The following C10orf67 variants were observed in gnomAD, a reference collection of about 807,000 sequenced individuals.
The protein encoded by C10orf67 is chromosome 10 open reading frame 67.
A neutral mutation model predicts 35.6 loss-of-function variants in C10orf67; 60 were observed. That is an observed-to-expected ratio of 1.68 (90% confidence interval 1.37 to 2.09). The LOEUF (loss-of-function observed/expected upper bound fraction) is 2.09. Ranked by LOEUF, C10orf67 falls within the 30% of genes most tolerant of loss-of-function variation. The probability of loss-of-function intolerance (pLI) is 0.00; values close to 1 mark genes in which losing one functional copy is unlikely to be tolerated. For missense variants in C10orf67, 474 were observed against 330.2 expected, an observed-to-expected ratio of 1.44 and a Z score of -3.38; for synonymous variants, 167 against 115.8, an observed-to-expected ratio of 1.44 and a Z score of -2.84.
In C10orf67 at chr10:23,202,969, T is replaced by C. The variant is rs1841062586; in HGVS notation, c.*1204A>G. 1.3e-5 allele frequency: 2 copies of C among 152,236 alleles called. No individual in the cohort carries two copies. Among genetic ancestry groups the C allele is most frequent in the African/African-American group, 4.8e-5 (2 of 41,456 alleles). The allele number at this position is 152,236 out of a possible 1,614,324, so 9.4% of individuals were successfully genotyped here. On this transcript the variant is annotated 3_prime_UTR_variant, in exon 16 of 16. Transcript: ENST00000636213. ...CCAGACCTGACTCCGATTAACCCTC[T>C]CTGGTGAAACTCTGCTGGAAACCAA...
intron 13 of C10orf67, among the ~76,000 whole-genome samples, chr10:23,234,625 T>C (rs1045779229): frequency 2.6e-5 from 4 of 151,650 alleles, no homozygotes; most frequent in Non-Finnish European, 5.9e-5. Context: ...CAAACCCCCA[T>C]GATACAAGTT....
At chr10:23,234,651 C>T (rs1319584980) in intron 13 of C10orf67, among the ~76,000 whole-genome samples, 3 of 151,788 alleles carry the variant, frequency 2.0e-5, no homozygotes, top group African/African-American at 7.3e-5. Flanking sequence ...ATATAACAAA[C>T]CTGCACATGT....
At chr10:23,228,009 C>A (rs1370479803) in intron 13 of C10orf67, among the ~76,000 whole-genome samples, 1 of 152,092 alleles carries the variant, frequency 6.6e-6, no homozygotes, top group African/African-American at 2.4e-5. Flanking sequence ...AATGGCCATA[C>A]CGCCCAAGGG....
rs185680138 is a variant in C10orf67, at chr10:23,337,013, A to G, written c.207-3831T>C. Among the ~76,000 whole-genome samples the G allele has an allele frequency of 1.2e-3, 190 of 152,336 alleles. 3 individuals are homozygous for G. The East Asian group carries it at 0.013, about 10-fold the overall frequency. ...AAAATGTAAAAATGATGAAGAAACT[A>G]GATTGAAGAAACAACCACTGGCCAT... On this transcript the variant is annotated intron_variant, in intron 1 of 15. Transcript: ENST00000636213.
intron 13 of C10orf67, among the ~76,000 whole-genome samples, chr10:23,233,310 T>C (rs1481521313): frequency 1.3e-5 from 2 of 152,092 alleles, no homozygotes; most frequent in Non-Finnish European, 1.5e-5. Flanking sequence ...AAACACAACA[T>C]ACAAATTGCC....
At chr10:23,220,711 T>C (rs1204114208) in intron 15 of C10orf67, among the ~76,000 whole-genome samples, 2 of 152,162 alleles carry the variant, frequency 1.3e-5, no homozygotes, top group Admixed American at 6.5e-5. Context: ...ATCTGTAAAA[T>C]GGGGGAAAGC....
At chr10:23,272,442 G>C (rs574820311) in intron 8 of C10orf67, among the ~76,000 whole-genome samples, 20 of 152,274 alleles carry the variant, frequency 1.3e-4, no homozygotes, top group African/African-American at 4.6e-4. Flanking sequence ...TTGTTGAAAA[G>C]ATTATCCTTA....
intron 15 of C10orf67, among the ~76,000 whole-genome samples, chr10:23,220,368 T>C (rs944288859): frequency 2.6e-5 from 4 of 152,108 alleles, no homozygotes; most frequent in Non-Finnish European, 4.4e-5. Flanking sequence ...TTCATCCTCA[T>C]AACAAACCTA....
At chr10:23,323,894 A>AATATATATATATATAT (rs137983793) in intron 2 of C10orf67, among the ~76,000 whole-genome samples, 4 of 42,812 alleles carry the variant, frequency 9.3e-5, no homozygotes, top group Non-Finnish European at 1.8e-4. Flanking sequence ...ACTCCGTCTA[A>AATATATATATATATAT]ATATATATAT....
At chr10:23,202,007 A>G (rs753659201), downstream of C10orf67, 3 of 152,122 alleles carry the variant, frequency 2.0e-5, no homozygotes, top group Admixed American at 2.0e-4. Flanking sequence ...AATGTTCTGG[A>G]CCAATGTGAT....
intron 13 of C10orf67, among the ~76,000 whole-genome samples, chr10:23,231,289 A>T (rs1841909320): frequency 6.6e-6 from 1 of 152,188 alleles, no homozygotes. Context: ...CACAAGTAGA[A>T]GTGATATGTG....
intron 5 of C10orf67, among the ~76,000 whole-genome samples, chr10:23,297,581 T>A (rs1843930832): frequency 6.6e-6 from 1 of 152,224 alleles, no homozygotes; most frequent in Non-Finnish European, 1.5e-5. Context: ...ATACCCCGCT[T>A]TTCGAAGTCC....
intron 12 of C10orf67, among the ~76,000 whole-genome samples, chr10:23,242,333 TTTC>T (rs576049805): frequency 5.3e-5 from 8 of 152,284 alleles, no homozygotes; most frequent in Middle Eastern, 3.4e-3. Context: ...TGGCAAAAAC[TTTC>T]TTCAATAATG....
At chr10:23,222,596 C>T (rs1224157896) in intron 15 of C10orf67, among the ~76,000 whole-genome samples, 1 of 151,960 alleles carries the variant, frequency 6.6e-6, no homozygotes, top group African/African-American at 2.4e-5. Flanking sequence ...GCCCAAACCT[C>T]AGCATCATGC....
At chr10:23,276,629 C>A (rs1469046843) in intron 8 of C10orf67, among the ~76,000 whole-genome samples, 17 of 152,004 alleles carry the variant, frequency 1.1e-4, no homozygotes, top group Admixed American at 1.1e-3. Flanking sequence ...AGTTTTTAAT[C>A]AATAAACTTT....
intron 15 of C10orf67, among the ~76,000 whole-genome samples, chr10:23,218,439 C>T (rs1443960546): frequency 6.6e-6 from 1 of 151,816 alleles, no homozygotes; most frequent in Non-Finnish European, 1.5e-5. Context: ...TGAGCCACCA[C>T]TCCCAGCCCC....
At chr10:23,284,814 G>C (rs1022581075) in intron 7 of C10orf67, among the ~76,000 whole-genome samples, 4 of 152,206 alleles carry the variant, frequency 2.6e-5, no homozygotes, top group Admixed American at 1.3e-4. Flanking sequence ...GAATCTTCCA[G>C]ATGAAGCCAG....
chr10:23,201,950 C>T (rs983647609), downstream of C10orf67: 8 of 152,018 alleles, frequency 5.3e-5, no homozygotes, highest in Admixed American at 2.0e-4. Flanking sequence ...TCTATATCTG[C>T]GATGATTGAT....
At chr10:23,287,528 GA>G (rs1843582489) in intron 7 of C10orf67, among the ~76,000 whole-genome samples, 1 of 152,118 alleles carries the variant, frequency 6.6e-6, no homozygotes, top group Non-Finnish European at 1.5e-5. Context: ...AAACCTAGGA[GA>G]AAACCTAGGC....
Sources: allele counts gnomAD v4.1 joint callset (sites outside exome capture counted in the v4.1 genomes callset), GRCh38; gene constraint gnomAD v4.1.1; transcripts MANE v1.5; gene names NCBI Gene and HGNC (gene_info 2026-07-23, HGNC 2026-07-21).